Variants in DGCR2 observed in about 807,000 individuals in gnomAD.
DGCR2 encodes the protein DiGeorge syndrome critical region gene 2.
Under a neutral mutation model 51.6 loss-of-function variants are expected in DGCR2, and 24 were observed. The observed-to-expected ratio is 0.47, with a 90% CI of 0.34 to 0.65. The LOEUF is 0.65. Among genes scored for constraint, DGCR2 ranks in the 30% least tolerant of loss-of-function variants. DGCR2 has a pLI of 0.01. For missense variants in DGCR2, 765 were observed against 772.1 expected (o/e 0.99, Z 0.11); for synonymous variants, 340 against 315.4 (o/e 1.08, Z -0.82).
At chr22:19,066,931 C>T (rs1261535996) in intron 3 of DGCR2, among the ~76,000 whole-genome samples, 3 of 152,236 alleles carry the variant, frequency 2.0e-5, no homozygotes, top group African/African-American at 7.2e-5. Flanking sequence ...AGTGTCTTCA[C>T]ACACCAAGCC....
At chr22:19,046,866 GC>G in intron 7 of DGCR2, 1 of 277,962 alleles carries the variant, frequency 3.6e-6, no homozygotes, top group Non-Finnish European at 7.9e-6. Flanking sequence ...GGCCATACAT[GC>G]CCACAAATGG....
In DGCR2 at chr22:19,036,644, A is replaced by C. The variant is rs2082372236; in HGVS notation, c.*2221T>G. The C allele has an allele frequency of 6.6e-6, 1 of 152,198 alleles. No homozygotes were observed. The allele number at this position is 152,198 out of a possible 1,614,324, so 9.4% of individuals were successfully genotyped here. On this transcript the variant is annotated 3_prime_UTR_variant, in exon 10 of 10. Transcript: ENST00000263196. ...GAGTCCAGCTCTCCTCATGCTCCCA[A>C]GGGCCTCCTGGAGCCACAGTGGCAG...
rs73157286 is a variant in DGCR2 at position 19,041,269 on chromosome 22, C to T, written c.1185G>A (p.Arg395=). 629 of 1,614,118 alleles carry T rather than the reference C, an allele frequency of 3.9e-4. No homozygotes were observed. Among genetic ancestry groups the T allele is most frequent in the Non-Finnish European group, 5.1e-4 (602 of 1,179,994 alleles). ...CTGGGCCGTAATCAAAGCCAGGGATCCTGCGGCCGAGGTTGAAGTGGTGCA... is the reference window on the plus strand; with the variant it reads ...CTGGGCCGTAATCAAAGCCAGGGATTCTGCGGCCGAGGTTGAAGTGGTGCA... ...ANLHHFNLGR[R]IPGFDYGPDG... The change falls in exon 9 of 10, where the codon AGG becomes AGA. Residue 395 remains arginine (R), a synonymous_variant. Transcript: ENST00000263196.
intron 1 of DGCR2, among the ~76,000 whole-genome samples, chr22:19,092,139 A>G (rs2083085468): frequency 6.6e-6 from 1 of 152,122 alleles, no homozygotes; most frequent in Admixed American, 6.6e-5. Flanking sequence ...TGAGGTCAGG[A>G]GTTCGAGACC....
rs1267879549 is a variant in DGCR2, at chr22:19,088,085, T to C, written c.202+1283A>G. ...AACTACCACAAGTTCAAATGTCACC[T>C]AATCCCCTACCTAATACCCTGGTTG... On this transcript the variant is annotated intron_variant, in intron 2 of 9. Transcript: ENST00000263196. Among the ~76,000 whole-genome samples, 3 of 152,212 alleles carry C rather than the reference T, an allele frequency of 2.0e-5. No individual in the cohort carries two copies. In the East Asian group the frequency reaches 5.8e-4, roughly 29 times the overall value.
At chr22:19,058,321 C>G (rs756922875) in intron 5 of DGCR2, among the ~76,000 whole-genome samples, 5 of 152,194 alleles carry the variant, frequency 3.3e-5, no homozygotes, top group Non-Finnish European at 5.9e-5. Flanking sequence ...CAGGGACATA[C>G]AGGCCCAGCA....
intron 2 of DGCR2, among the ~76,000 whole-genome samples, chr22:19,085,631 G>A (rs9605933): frequency 1.3e-5 from 2 of 152,232 alleles, no homozygotes; most frequent in African/African-American, 2.4e-5. Flanking sequence ...GGAAGGTACT[G>A]AATGCCCAGG....
At chr22:19,039,638 G>A (rs552441069) in intron 9 of DGCR2, among the ~76,000 whole-genome samples, 2 of 152,338 alleles carry the variant, frequency 1.3e-5, no homozygotes, top group East Asian at 1.9e-4. Flanking sequence ...CCACACAGGT[G>A]TTTGCAGGAA....
In DGCR2 at chr22:19,077,359, G is replaced by A. The variant is rs537053144; in HGVS notation, c.203-9134C>T. 8.5e-5 allele frequency among the ~76,000 whole-genome samples: 13 copies of A among 152,290 alleles called. No homozygotes were observed. The South Asian group carries it at 1.9e-3, about 22-fold the overall frequency. ...CCTGATCCATTTTGGGTTAAGTTTT[G>A]TATATCATTAGCTAAGGGTCTAACT... On this transcript the variant is annotated intron_variant, in intron 2 of 9. Coordinates refer to ENST00000263196, the MANE Select transcript of DGCR2 (RefSeq NM_005137.3).
At chr22:19,091,161 C>T (rs1237227325) in intron 1 of DGCR2, among the ~76,000 whole-genome samples, 1 of 152,146 alleles carries the variant, frequency 6.6e-6, no homozygotes, top group East Asian at 1.9e-4. Flanking sequence ...GAGTTCAGGA[C>T]CAGCCTGAGC....
intron 2 of DGCR2, among the ~76,000 whole-genome samples, chr22:19,083,087 A>C (rs1211562880): frequency 5.6e-5 from 4 of 71,934 alleles, no homozygotes; most frequent in Non-Finnish European, 1.3e-4. Flanking sequence ...ACCTTGTCTC[A>C]AAAAAAAAAA....
chr22:19,098,628 C>A (rs1464740913), intron 1 of DGCR2, among the ~76,000 whole-genome samples: 1 of 152,186 alleles, frequency 6.6e-6, no homozygotes, highest in Non-Finnish European at 1.5e-5. Context: ...CGCTCTGTCA[C>A]CCAGGCTGGA....
At chr22:19,062,145 T>G (rs919175291) in intron 5 of DGCR2, among the ~76,000 whole-genome samples, 3 of 152,202 alleles carry the variant, frequency 2.0e-5, no homozygotes, top group African/African-American at 7.2e-5. Context: ...CAGAAGCCAT[T>G]GATTAGTCAA....
chr22:19,045,720 C>CAGCCCTATTTT, intron 7 of DGCR2, among the ~76,000 whole-genome samples: 1 of 152,266 alleles, frequency 6.6e-6, no homozygotes, highest in East Asian at 1.9e-4. Flanking sequence ...CCGCTGAACC[C>CAGCCCTATTTT]AGCCCTATTT....
intron 1 of DGCR2, among the ~76,000 whole-genome samples, chr22:19,092,471 C>A (rs901521648): frequency 8.5e-5 from 13 of 152,204 alleles, no homozygotes; most frequent in African/African-American, 2.9e-4. Context: ...ATAAATCTGA[C>A]AATTTGGATG....
In DGCR2 at chr22:19,056,364, T is replaced by C. The variant is rs564341482; in HGVS notation, c.802+622A>G. 18 of 321,036 alleles carry C rather than the reference T, an allele frequency of 5.6e-5. No individual in the cohort carries two copies. The Admixed American group carries it at 5.9e-4, about 11-fold the overall frequency. 19.9% of individuals were successfully genotyped at this position (321,036 alleles called of 1,614,324 possible). On this transcript the variant is annotated intron_variant, in intron 6 of 9. Transcript: ENST00000263196. ...ACCGTCAACAAGAACGCCTGCACCATGCTCGGCAACATCACACACATGATC... is the reference window on the plus strand; with the variant it reads ...ACCGTCAACAAGAACGCCTGCACCACGCTCGGCAACATCACACACATGATC...
At chr22:19,108,569 T>TAAAAAAAAAAAAA (rs55803042) in intron 1 of DGCR2, among the ~76,000 whole-genome samples, 19 of 90,714 alleles carry the variant, frequency 2.1e-4, no homozygotes, top group African/African-American at 7.0e-4. Context: ...AGAATTTATC[T>TAAAAAAAAAAAAA]AAAAAAAAAA....
chr22:19,041,017 T>A, intron 9 of DGCR2, 41 bp downstream of exon 9: 1 of 1,521,974 alleles, frequency 6.6e-7, no homozygotes, highest in Non-Finnish European at 8.9e-7. Flanking sequence ...ACGTGCCAGG[T>A]TACTTGACAA....
intron 9 of DGCR2, among the ~76,000 whole-genome samples, chr22:19,039,836 GC>G (rs1375862641): frequency 2.0e-5 from 3 of 152,098 alleles, no homozygotes; most frequent in Non-Finnish European, 2.9e-5. Context: ...TTCTCAGCCT[GC>G]CCAGTAACTG....
Sources: gnomAD v4.1 joint callset for allele counts (sites outside exome capture counted in the v4.1 genomes callset) on GRCh38, gnomAD v4.1.1 for gene constraint, MANE v1.5 for transcripts, NCBI Gene and HGNC (gene_info 2026-07-23, HGNC 2026-07-21) for gene names.